The following JDP2 variants were observed in gnomAD, a reference collection of about 807,000 sequenced individuals.
The protein encoded by JDP2 is progesterone receptor co-activator.
JDP2 carries 9 observed loss-of-function variants against 17.1 expected under a neutral mutation model. The ratio of observed to expected loss-of-function variants is 0.53; its 90% confidence interval spans 0.32 to 0.92. The LOEUF (loss-of-function observed/expected upper bound fraction) is 0.92, where lower values mean the gene tolerates loss of function less well. JDP2 is among the 40% of genes least tolerant of loss of function. The pLI, the probability that JDP2 is intolerant of heterozygous loss-of-function variation, is 0.04. For missense variants in JDP2, 179 were observed against 220.0 expected (o/e 0.81, Z 1.18); for synonymous variants, 107 against 95.6 (o/e 1.12, Z -0.69).
intron 2 of JDP2, among the ~76,000 whole-genome samples, chr14:75,454,065 T>C (rs1435150219): frequency 6.6e-6 from 1 of 152,146 alleles, no homozygotes; most frequent in African/African-American, 2.4e-5. Flanking sequence ...GAATTCAAAA[T>C]CACATCTGGG....
chr14:75,438,127 C>CGAGCCTTTTACCCCTGGCAGATTCCAGG lies in JDP2; in HGVS notation c.201+7_201+34dup. On this transcript the variant is annotated splice_region_variant and intron_variant, in intron 2 of 3. Transcript: ENST00000651602. The stretch of plus-strand genomic sequence containing the variant: ...CCCAGCCCGTGAAAAGTGAGGTGAG[C>CGAGCCTTTTACCCCTGGCAGATTCCAGG]GAGCCTTTTACCCCTGGCAGATTCC... The CGAGCCTTTTACCCCTGGCAGATTCCAGG allele has an allele frequency of 1.3e-6, 2 of 1,595,906 alleles. No individual in the cohort carries two copies. Among genetic ancestry groups the CGAGCCTTTTACCCCTGGCAGATTCCAGG allele is most frequent in the South Asian group, 2.3e-5 (2 of 88,854 alleles).
chr14:75,464,807 C>T (rs573394634), intron 3 of JDP2, among the ~76,000 whole-genome samples: 1 of 152,324 alleles, frequency 6.6e-6, no homozygotes, highest in Non-Finnish European at 1.5e-5. Flanking sequence ...AGGTCCACAC[C>T]CCACAGGCCC....
chr14:75,443,054 A>G (rs1334624877), intron 2 of JDP2, among the ~76,000 whole-genome samples: 1 of 152,076 alleles, frequency 6.6e-6, no homozygotes, highest in Non-Finnish European at 1.5e-5. Context: ...TGGATTTCAC[A>G]TTGGCGATTT....
At chr14:75,432,099 C>A (rs557964897) in intron 1 of JDP2, 7 of 580,342 alleles carry the variant, frequency 1.2e-5, no homozygotes, top group Non-Finnish European at 2.2e-5. Flanking sequence ...CTTAACCCCC[C>A]CTTCCTCTTG....
At chr14:75,443,353 A>C (rs1410345535) in intron 2 of JDP2, among the ~76,000 whole-genome samples, 1 of 152,148 alleles carries the variant, frequency 6.6e-6, no homozygotes, top group Non-Finnish European at 1.5e-5. Flanking sequence ...ATTTTTTAGC[A>C]AGCTTTGCAT....
At chr14:75,466,819 C>A (rs1460382534) in intron 3 of JDP2, among the ~76,000 whole-genome samples, 1 of 152,222 alleles carries the variant, frequency 6.6e-6, no homozygotes, top group Non-Finnish European at 1.5e-5. Context: ...TCAGACCCTC[C>A]ATTGGGTTCA....
chr14:75,447,878 G>A (rs906028006), intron 2 of JDP2, among the ~76,000 whole-genome samples: 16 of 151,968 alleles, frequency 1.1e-4, no homozygotes, highest in Non-Finnish European at 1.8e-4. Flanking sequence ...GGCTGGTCTC[G>A]AACTCCTGAG....
intron 1 of JDP2, among the ~76,000 whole-genome samples, chr14:75,433,697 A>T (rs930013365): frequency 1.3e-5 from 2 of 151,806 alleles, no homozygotes; most frequent in Admixed American, 1.3e-4. Context: ...TGTCTGATTC[A>T]TGCCTTGCTA....
chr14:75,427,263 C>T (rs1594938655), upstream of JDP2: 3 of 152,540 alleles, frequency 2.0e-5, no homozygotes. The surrounding 1 kb of genome is among the most constrained non-coding windows in gnomAD (Gnocchi z 4.4). Context: ...GGGTACAAGC[C>T]CAAGGGTCAA....
chr14:75,463,576 A>T (rs1267648823), intron 3 of JDP2, among the ~76,000 whole-genome samples: 1 of 152,148 alleles, frequency 6.6e-6, no homozygotes, highest in Non-Finnish European at 1.5e-5. Context: ...TAGGCTAAGG[A>T]AAGGCTGCTT....
At chr14:75,429,672 C>T (rs769794186) in intron 1 of JDP2, among the ~76,000 whole-genome samples, 5 of 152,182 alleles carry the variant, frequency 3.3e-5, no homozygotes, top group Non-Finnish European at 5.9e-5. Flanking sequence ...CAGGTGTGAG[C>T]ATGGCTCTGA....
intron 2 of JDP2, among the ~76,000 whole-genome samples, chr14:75,460,169 G>T (rs1230240922): frequency 6.6e-6 from 1 of 152,226 alleles, no homozygotes; most frequent in Admixed American, 6.5e-5. Context: ...GTGCTAGTGG[G>T]CAGTGAGTCT....
intron 1 of JDP2, among the ~76,000 whole-genome samples, chr14:75,435,584 A>G (rs1027209889): frequency 6.6e-6 from 1 of 152,238 alleles, no homozygotes; most frequent in Non-Finnish European, 1.5e-5. Flanking sequence ...CCCTGGGACC[A>G]GGAGTCGAGC....
At chr14:75,437,708 G>A (rs1267115723) in intron 1 of JDP2, among the ~76,000 whole-genome samples, 190 bp from the exon 2 acceptor site, 1 of 152,236 alleles carries the variant, frequency 6.6e-6, no homozygotes, top group Non-Finnish European at 1.5e-5. Flanking sequence ...GGGTGACCTT[G>A]GTGTGAGTTA....
Position 75,472,575 on chromosome 14 carries a change from A to T in JDP2, c.*3100A>T, listed in dbSNP as rs1414106155. On this transcript the variant is annotated 3_prime_UTR_variant, in exon 4 of 4. Transcript: ENST00000651602. Reference sequence around the variant, plus strand: ...TGTAATCTTCTATTGACTAGCTGTGAACCTCATTTTTCTTATCTGTGAAGT... The same window carrying T: ...TGTAATCTTCTATTGACTAGCTGTGTACCTCATTTTTCTTATCTGTGAAGT... 6.6e-6 allele frequency: 1 copy of T among 152,222 alleles called. No individual in the cohort carries two copies. The highest frequency in any genetic ancestry group is 1.5e-5 in the Non-Finnish European group (1 of 68,036). 9.4% of individuals were successfully genotyped at this position (152,222 alleles called of 1,614,324 possible). A position where few individuals can be genotyped will look rare whatever the true frequency, so the allele number is the denominator to read the frequency against.
chr14:75,438,474 A>T (rs1247405919), intron 2 of JDP2, among the ~76,000 whole-genome samples: 1 of 152,092 alleles, frequency 6.6e-6, no homozygotes. Context: ...GATTGGGGAG[A>T]TAATGGGAAT....
rs886688268 is a variant in JDP2 at position 75,469,810 on chromosome 14, C to A, written c.*335C>A. 4 of 231,040 alleles carry A rather than the reference C, an allele frequency of 1.7e-5. No homozygotes were observed. The highest frequency in any genetic ancestry group is 1.9e-4 in the East Asian group (2 of 10,532). The allele number at this position is 231,040 out of a possible 1,614,324, so 14.3% of individuals were successfully genotyped here. A position where few individuals can be genotyped will look rare whatever the true frequency, so the allele number is the denominator to read the frequency against. ...GAGGCAGCCCTGGGCTCTTCTCTGGCCTCTTCACCAGGGCACCCATCCAAG... is the reference window on the plus strand; with the variant it reads ...GAGGCAGCCCTGGGCTCTTCTCTGGACTCTTCACCAGGGCACCCATCCAAG... On this transcript the variant is annotated 3_prime_UTR_variant, in exon 4 of 4. Coordinates refer to ENST00000651602, the MANE Select transcript of JDP2 (RefSeq NM_001135048.2).
chr14:75,451,499 T>G (rs1315383140), intron 2 of JDP2, among the ~76,000 whole-genome samples: 2 of 152,078 alleles, frequency 1.3e-5, no homozygotes, highest in African/African-American at 4.8e-5. Flanking sequence ...AAATCCAGAT[T>G]TGGTTGGCAT....
chr14:75,469,274 C>T lies in JDP2; in HGVS notation c.307-16C>T, dbSNP rs1886706603. On this transcript the variant is annotated splice_polypyrimidine_tract_variant and intron_variant, in intron 3 of 3. Transcript: ENST00000651602. ...TCCCCGTGAAACTCACAGCGTGCTT[C>T]TGTGTTGGTATACAGGAATCCGAGC... 4.3e-6 allele frequency: 7 copies of T among 1,609,368 alleles called. No homozygotes were observed. The highest frequency in any genetic ancestry group is 5.9e-6 in the Non-Finnish European group (7 of 1,176,684).
Sources: gnomAD v4.1 joint callset for allele counts (sites outside exome capture counted in the v4.1 genomes callset) on GRCh38, gnomAD v4.1.1 for gene constraint, Gnocchi (gnomAD v3.1) non-coding constraint, MANE v1.5 for transcripts, NCBI Gene and HGNC (gene_info 2026-07-23, HGNC 2026-07-21) for gene names.